Variants in DPYS observed in about 807,000 individuals in gnomAD.
DPYS encodes the protein dihydropyrimidinase, also known as dihydropyrimidine amidohydrolase.
Under a neutral mutation model 50.3 loss-of-function variants are expected in DPYS, and 39 were observed. That is an observed-to-expected ratio of 0.78 (90% CI 0.60 to 1.01). DPYS has a LOEUF of 1.01. Ranked by LOEUF, DPYS falls within the 50% of genes least tolerant of loss-of-function variation. The pLI is 0.00. For synonymous variants in DPYS, 245 were observed against 250.7 expected, an observed-to-expected ratio of 0.98 and a Z score of 0.22; for missense variants, 659 against 680.9, an observed-to-expected ratio of 0.97 and a Z score of 0.36.
chr8:104,466,933 G>T lies in DPYS; in HGVS notation c.-13C>A. ...AGGGCGCCGCCATAGCGAGGGGCGC[G>T]CGGGGTCCTACTCGGCCCGGGCTGC... On this transcript the variant is annotated 5_prime_UTR_variant, in exon 1 of 10. Transcript: ENST00000351513. The T allele has an allele frequency of 6.8e-7, 1 of 1,466,368 alleles. No individual in the cohort carries two copies. The highest frequency in any genetic ancestry group is 1.5e-5 in the African/African-American group (1 of 68,108). 90.8% of individuals were successfully genotyped at this position (1,466,368 alleles called of 1,614,324 possible). A position where few individuals can be genotyped will look rare whatever the true frequency, so the allele number is the denominator to read the frequency against.
At chr8:104,394,002 T>G (rs188352383) in intron 7 of DPYS, among the ~76,000 whole-genome samples, 1 of 152,372 alleles carries the variant, frequency 6.6e-6, no homozygotes, top group African/African-American at 2.4e-5. Flanking sequence ...GTGCTATTCT[T>G]ATGCCTTTGC....
At chr8:104,392,659 C>A (rs181665851) in intron 8 of DPYS, 125 bp downstream of exon 8, 556 of 1,172,304 alleles carry the variant, frequency 4.7e-4, no homozygotes, top group Non-Finnish European at 6.6e-4. Flanking sequence ...TCAATCCTGA[C>A]ACCCCAGGAA....
intron 5 of DPYS, 143 bp downstream of exon 5, chr8:104,429,402 A>G: frequency 1.0e-6 from 1 of 957,922 alleles, no homozygotes; most frequent in Non-Finnish European, 1.6e-6. Flanking sequence ...TTTGCTCTGC[A>G]GGTGAGGGGT....
At chr8:104,413,275 T>C (rs1564090653) in intron 7 of DPYS, among the ~76,000 whole-genome samples, 1 of 151,800 alleles carries the variant, frequency 6.6e-6, no homozygotes, top group East Asian at 1.9e-4. Flanking sequence ...AGTTGCACAA[T>C]ACATATAGTA....
Position 104,379,785 on chromosome 8 carries a change from G to A in DPYS, c.*73C>T. The A allele has an allele frequency of 6.6e-6, 3 of 456,524 alleles. No homozygotes were observed. Among genetic ancestry groups the A allele is most frequent in the Non-Finnish European group, 1.3e-5 (3 of 226,944 alleles). The allele number at this position is 456,524 out of a possible 1,614,324, so 28.3% of individuals were successfully genotyped here. On this transcript the variant is annotated 3_prime_UTR_variant, in exon 10 of 10. Transcript: ENST00000351513. ...AGTTGAATAAGGCCTGCTTCTCCAT[G>A]GGTTGACAATGTTTGGCTGTGAAGG...
At chr8:104,404,621 G>A (rs1452530690) in intron 7 of DPYS, among the ~76,000 whole-genome samples, 1 of 152,272 alleles carries the variant, frequency 6.6e-6, no homozygotes, top group Non-Finnish European at 1.5e-5. Context: ...GTGAACTGGA[G>A]ATCAGGATGT....
intron 2 of DPYS, 137 bp from the exon 3 acceptor site, chr8:104,447,640 AATGCAATTAAG>A: frequency 8.8e-6 from 9 of 1,021,450 alleles, no homozygotes; most frequent in Non-Finnish European, 1.2e-5. Context: ...GTTCCACAAA[AATGCAATTAAG>A]GCCTTGATCT....
At chr8:104,383,905 G>A (rs1183814651) in intron 8 of DPYS, among the ~76,000 whole-genome samples, 1 of 152,108 alleles carries the variant, frequency 6.6e-6, no homozygotes, top group Non-Finnish European at 1.5e-5. Context: ...CCTGGCCTGG[G>A]CTGTACTTTT....
rs1236637632 is a variant in DPYS, at chr8:104,451,349, C to A, written c.320G>T (p.Gly107Val). 6.2e-7 allele frequency: 1 copy of A among 1,614,170 alleles called. No homozygotes were observed. The highest frequency in any genetic ancestry group is 8.5e-7 in the Non-Finnish European group (1 of 1,180,030). The stretch of plus-strand genomic sequence containing the variant: ...CTCGAAGGCCTCAATGAGGGAGCCA[C>A]CTTTCTGAGGAATGGCGAAATCAAT... ...MIIDFAIPQK[G>V]GSLIEAFETW... Residue 107 changes from glycine (G) to valine (V), a missense_variant, in exon 2 of 10, where the codon GGT (glycine) becomes GTT (valine). By Grantham distance (109) the Gly-to-Val change is moderately radical (BLOSUM62 -3). Transcript: ENST00000351513.
intron 7 of DPYS, among the ~76,000 whole-genome samples, chr8:104,393,540 G>A (rs1811472563): frequency 1.3e-5 from 2 of 152,100 alleles, no homozygotes; most frequent in Admixed American, 1.3e-4. Context: ...TTCTTTCATT[G>A]TCTGTAGCAA....
chr8:104,411,486 C>T (rs1442210904), intron 7 of DPYS, among the ~76,000 whole-genome samples: 2 of 152,052 alleles, frequency 1.3e-5, no homozygotes, highest in African/African-American at 4.8e-5. Flanking sequence ...GAAAAGGGCA[C>T]AATCATAGCA....
intron 7 of DPYS, among the ~76,000 whole-genome samples, chr8:104,421,698 G>T (rs1212486251): frequency 2.0e-5 from 3 of 152,096 alleles, no homozygotes; most frequent in African/African-American, 7.2e-5. Flanking sequence ...AGAAAGAAAT[G>T]TAAAAACATA....
intron 7 of DPYS, among the ~76,000 whole-genome samples, chr8:104,395,888 C>T: frequency 6.7e-6 from 1 of 149,968 alleles, no homozygotes; most frequent in Non-Finnish European, 1.5e-5. Context: ...TAGGAACCAA[C>T]TTATTGATAT....
chr8:104,391,937 C>G (rs766234574), intron 8 of DPYS, among the ~76,000 whole-genome samples: 5 of 152,024 alleles, frequency 3.3e-5, no homozygotes, highest in Admixed American at 2.6e-4. Flanking sequence ...AAAAAAAACC[C>G]ATTTGAGTGT....
intron 7 of DPYS, chr8:104,418,667 C>T (rs1387706960): frequency 6.6e-6 from 1 of 152,358 alleles, no homozygotes; most frequent in African/African-American, 2.4e-5. Flanking sequence ...CTTGGTTTAT[C>T]TCACCTCCAT....
intron 7 of DPYS, among the ~76,000 whole-genome samples, chr8:104,413,590 G>C (rs928935171): frequency 1.3e-5 from 2 of 152,048 alleles, no homozygotes; most frequent in Non-Finnish European, 2.9e-5. Flanking sequence ...ACAGAAACCA[G>C]CCATTTACTA....
At chr8:104,419,906 A>C (rs1812488848) in intron 7 of DPYS, 1 of 152,262 alleles carries the variant, frequency 6.6e-6, no homozygotes, top group Non-Finnish European at 1.5e-5. Flanking sequence ...ATATTGGATC[A>C]TTAATTGTGA....
At chr8:104,462,406 T>TA (rs1310052678) in intron 1 of DPYS, among the ~76,000 whole-genome samples, 2 of 152,186 alleles carry the variant, frequency 1.3e-5, no homozygotes, top group African/African-American at 4.8e-5. Context: ...TAATCACACT[T>TA]ACCTGCTTAA....
At chr8:104,433,105 A>G (rs182293435) in intron 4 of DPYS, among the ~76,000 whole-genome samples, 4 of 152,314 alleles carry the variant, frequency 2.6e-5, no homozygotes, top group Admixed American at 6.5e-5. Context: ...AGCCAAGAAG[A>G]AAAGCCTAGA....
Sources: gnomAD v4.1 joint callset for allele counts (sites outside exome capture counted in the v4.1 genomes callset) on GRCh38, gnomAD v4.1.1 for gene constraint, MANE v1.5 for transcripts, NCBI Gene and HGNC (gene_info 2026-07-23, HGNC 2026-07-21) for gene names.